Variants in EHMT1 observed in about 807,000 individuals in gnomAD.
EHMT1 encodes euchromatic histone lysine methyltransferase 1, also known as histone-lysine N-methyltransferase EHMT1.
In EHMT1, 15 loss-of-function variants were observed where a neutral mutation model predicts 147.2. The observed-to-expected ratio is 0.10, with a 90% confidence interval of 0.07 to 0.16. EHMT1 has a LOEUF of 0.16. Among genes scored for constraint, EHMT1 ranks in the 10% least tolerant of loss-of-function variants. The pLI is 1.00. For synonymous variants in EHMT1, 795 were observed against 709.6 expected (o/e 1.12, Z -1.91); for missense variants, 1,587 against 1,772.4 (o/e 0.90, Z 1.88).
chr9:137,680,065 T>C (rs1218229772), intron 1 of EHMT1, among the ~76,000 whole-genome samples: 1 of 152,162 alleles, frequency 6.6e-6, no homozygotes, highest in Admixed American at 6.5e-5. Flanking sequence ...TCTTGTATTG[T>C]ATTCCCCCTT....
intron 1 of EHMT1, among the ~76,000 whole-genome samples, chr9:137,699,707 C>T (rs957798186): frequency 6.6e-6 from 1 of 151,058 alleles, no homozygotes; most frequent in Non-Finnish European, 1.5e-5. Flanking sequence ...AGATGTTGGC[C>T]TGGCACAGTG....
At chr9:137,671,667 G>A (rs1940669924) in intron 1 of EHMT1, among the ~76,000 whole-genome samples, 1 of 151,938 alleles carries the variant, frequency 6.6e-6, no homozygotes, top group East Asian at 1.9e-4. Context: ...TTGGACTACA[G>A]GCGTGTGCCA....
At chr9:137,623,957 C>T (rs1041717385) in intron 1 of EHMT1, among the ~76,000 whole-genome samples, 36 of 151,512 alleles carry the variant, frequency 2.4e-4, no homozygotes, top group African/African-American at 7.0e-4. Context: ...GTACCTGGGA[C>T]GGCAGGTGTG....
chr9:137,707,387 A>G (rs1285617974), intron 1 of EHMT1, among the ~76,000 whole-genome samples: 1 of 152,220 alleles, frequency 6.6e-6, no homozygotes, highest in Admixed American at 6.5e-5. Flanking sequence ...GCTGCCTTGC[A>G]GAGCCTGGTC....
rs898981600 is a variant in EHMT1, at chr9:137,731,783, C to T, written c.823+3254C>T. 6.6e-6 allele frequency among the ~76,000 whole-genome samples: 1 copy of T among 152,160 alleles called. No individual in the cohort carries two copies. The highest frequency in any genetic ancestry group is 2.4e-5 in the African/African-American group (1 of 41,430). On this transcript the variant is annotated intron_variant, in intron 4 of 26. Transcript: ENST00000460843. This position sits in a 1 kb window ranked among gnomAD's most constrained non-coding sequence, Gnocchi z 4.3. ...CGAGGGCAAGCCAGGAGTGGAGCAG[C>T]GAGGCGTGTGTTGACGAGCAAGCAT...
At chr9:137,829,577 C>T (rs1484783012) in intron 25 of EHMT1, among the ~76,000 whole-genome samples, 2 of 152,232 alleles carry the variant, frequency 1.3e-5, no homozygotes, top group South Asian at 2.1e-4. Flanking sequence ...CTAGTTTCCC[C>T]GATGTCTTTT....
At chr9:137,692,786 C>T (rs945786945) in intron 1 of EHMT1, among the ~76,000 whole-genome samples, 1 of 152,166 alleles carries the variant, frequency 6.6e-6, no homozygotes, top group Non-Finnish European at 1.5e-5. Context: ...AGCCATCATG[C>T]TCCAGTGCGC....
intron 19 of EHMT1, among the ~76,000 whole-genome samples, 181 bp from the exon 20 acceptor site, chr9:137,812,825 G>T (rs1250564410): frequency 6.6e-6 from 1 of 152,272 alleles, no homozygotes; most frequent in Non-Finnish European, 1.5e-5. Flanking sequence ...AGGGAATCAT[G>T]TTCCTGGGTG....
chr9:137,668,335 A>G (rs1244102164), intron 1 of EHMT1, among the ~76,000 whole-genome samples: 3 of 144,068 alleles, frequency 2.1e-5, no homozygotes, highest in Non-Finnish European at 4.5e-5. Context: ...CCCACCACTC[A>G]CCCACCCACC....
intron 4 of EHMT1, among the ~76,000 whole-genome samples, chr9:137,736,628 C>T (rs754250911): frequency 9.9e-5 from 15 of 152,248 alleles, no homozygotes; most frequent in South Asian, 2.1e-4. Flanking sequence ...CGATGGCGCA[C>T]GCCTGTAATC....
chr9:137,738,313 ACG>A (rs1947737699), intron 4 of EHMT1, among the ~76,000 whole-genome samples: 1 of 152,212 alleles, frequency 6.6e-6, no homozygotes, highest in Admixed American at 6.5e-5. Context: ...AAGATGCTCA[ACG>A]TCACTAATCA....
intron 25 of EHMT1, among the ~76,000 whole-genome samples, chr9:137,827,076 A>G (rs2133007875): frequency 6.6e-6 from 1 of 152,086 alleles, no homozygotes; most frequent in Middle Eastern, 3.4e-3. Flanking sequence ...CATGGCATGG[A>G]CTTTCTGTGC....
At chr9:137,829,111 T>C (rs905061687) in intron 25 of EHMT1, among the ~76,000 whole-genome samples, 1 of 152,212 alleles carries the variant, frequency 6.6e-6, no homozygotes, top group Non-Finnish European at 1.5e-5. Flanking sequence ...GCTCGTGCCG[T>C]GCGCCCACTG....
intron 2 of EHMT1, among the ~76,000 whole-genome samples, chr9:137,714,046 T>C (rs1323712383): frequency 2.0e-5 from 3 of 152,226 alleles, no homozygotes; most frequent in Non-Finnish European, 4.4e-5. Context: ...TGATTTAAAC[T>C]TCCTTGGGAA....
intron 15 of EHMT1, chr9:137,788,013 G>T: frequency 6.9e-7 from 1 of 1,439,398 alleles, no homozygotes; most frequent in Non-Finnish European, 9.6e-7. Flanking sequence ...GAGAGGCCAG[G>T]CCCTAGGCTC....
At chr9:137,694,330 G>A (rs1306738524) in intron 1 of EHMT1, among the ~76,000 whole-genome samples, 1 of 147,132 alleles carries the variant, frequency 6.8e-6, no homozygotes, top group Non-Finnish European at 1.5e-5. Flanking sequence ...CCACACAGTG[G>A]CGCAGGACGC....
intron 25 of EHMT1, among the ~76,000 whole-genome samples, chr9:137,822,253 C>G (rs1408543118): frequency 1.3e-5 from 2 of 152,218 alleles, no homozygotes; most frequent in Non-Finnish European, 2.9e-5. Flanking sequence ...ACCCACCTGG[C>G]CTCCCTGCTG....
chr9:137,694,610 A>T (rs1943243112), intron 1 of EHMT1, among the ~76,000 whole-genome samples: 1 of 152,110 alleles, frequency 6.6e-6, no homozygotes, highest in Admixed American at 6.5e-5. Context: ...GAAGGAGTAG[A>T]TGTTTTCCAG....
At chr9:137,711,924 C>T (rs1227831899) in intron 2 of EHMT1, among the ~76,000 whole-genome samples, 6 of 152,206 alleles carry the variant, frequency 3.9e-5, no homozygotes, top group Non-Finnish European at 5.9e-5. Flanking sequence ...TCCTCATGGA[C>T]TGTGGGCTGT....
Sources: gnomAD v4.1 joint callset for allele counts (sites outside exome capture counted in the v4.1 genomes callset) on GRCh38, gnomAD v4.1.1 for gene constraint, Gnocchi (gnomAD v3.1) non-coding constraint, MANE v1.5 for transcripts, NCBI Gene and HGNC (gene_info 2026-07-23, HGNC 2026-07-21) for gene names.